The following CRB1 variants were observed in gnomAD, a reference collection of about 807,000 sequenced individuals.
CRB1 encodes protein crumbs homolog 1.
In CRB1, 83 loss-of-function variants were observed where a neutral mutation model predicts 120.0. That is an observed-to-expected ratio of 0.69 (90% CI 0.58 to 0.83). CRB1 has a LOEUF of 0.83. Among genes scored for constraint, CRB1 ranks in the 40% least tolerant of loss-of-function variants. The pLI is 0.00. For synonymous variants in CRB1, 625 were observed against 612.5 expected (o/e 1.02, Z -0.30); for missense variants, 1,699 against 1,687.6 (o/e 1.01, Z -0.12).
the CRB1 span, among the ~76,000 whole-genome samples, chr1:197,214,335 C>CAAAAT: frequency 1.3e-5 from 2 of 152,018 alleles, no homozygotes; most frequent in Non-Finnish European, 2.9e-5. Flanking sequence ...AGTCTGCCCT[C>CAAAAT]CATATGCATG....
rs138800499 is a variant in CRB1, at chr1:197,332,320, A to G, written c.652+3317A>G. ...TGGGAATGAGTCCCCTTTTCTCACTATAACACTTAGGTCCACAATGAGGAT... is the reference window on the plus strand; with the variant it reads ...TGGGAATGAGTCCCCTTTTCTCACTGTAACACTTAGGTCCACAATGAGGAT... On this transcript the variant is annotated intron_variant, in intron 2 of 11. Transcript: ENST00000367400. Among the ~76,000 whole-genome samples, 119 of 152,254 alleles carry G rather than the reference A, an allele frequency of 7.8e-4. No individual in the cohort carries two copies. The East Asian group carries it at 0.02, about 26-fold the overall frequency.
intron 4 of CRB1, among the ~76,000 whole-genome samples, chr1:197,354,543 G>C (rs1463612506): frequency 3.9e-5 from 6 of 152,088 alleles, no homozygotes; most frequent in African/African-American, 9.7e-5. Flanking sequence ...TTTGCAGTGA[G>C]TGTTACAACT....
the CRB1 span, among the ~76,000 whole-genome samples, chr1:197,257,133 T>G: frequency 2.6e-5 from 4 of 151,910 alleles, no homozygotes; most frequent in Non-Finnish European, 5.9e-5. Flanking sequence ...GCCTGAAAAC[T>G]GGGGGGTGCC....
chr1:197,265,183 A>C (rs1228357167), upstream of CRB1, among the ~76,000 whole-genome samples: 2 of 152,160 alleles, frequency 1.3e-5, no homozygotes, highest in African/African-American at 2.4e-5. Context: ...GTGAACTGTG[A>C]ATTGTAGCAT....
the CRB1 span, among the ~76,000 whole-genome samples, chr1:197,225,788 G>A: frequency 6.6e-6 from 1 of 152,232 alleles, no homozygotes; most frequent in African/African-American, 2.4e-5. Context: ...ATATTTTGAA[G>A]CTTTCTCGCA....
intron 1 of CRB1, among the ~76,000 whole-genome samples, chr1:197,299,225 G>A (rs968885098): frequency 1.3e-5 from 2 of 152,068 alleles, no homozygotes; most frequent in African/African-American, 4.8e-5. Context: ...GAGGAAGCAC[G>A]AATGGTCAAA....
At chr1:197,408,642 C>A (rs914923683) in intron 5 of CRB1, among the ~76,000 whole-genome samples, 2 of 152,136 alleles carry the variant, frequency 1.3e-5, no homozygotes, top group Non-Finnish European at 2.9e-5. Context: ...CTTAGAACAG[C>A]AACATCCAAC....
At position 197,328,812 on chromosome 1, in the gene CRB1, C is replaced by G. The variant is rs1443614785; in HGVS notation, c.461C>G (p.Ser154Cys). The G allele has an allele frequency of 1.2e-6, 2 of 1,613,954 alleles. No individual in the cohort carries two copies. The highest frequency in any genetic ancestry group is 1.3e-5 in the African/African-American group (1 of 74,948). The part of the protein sequence containing the change: ...FCEIDHDECA[S>C]SPCQNGAVCQ... ...GAGATAGATCACGATGAGTGTGCTTCCAGCCCTTGCCAAAATGGGGCCGTG... is the reference window on the plus strand; with the variant it reads ...GAGATAGATCACGATGAGTGTGCTTGCAGCCCTTGCCAAAATGGGGCCGTG... The change falls in exon 2 of 12, where the codon TCC becomes TGC. Residue 154 changes from serine (S) to cysteine (C), a missense_variant. Physicochemically the swap from Ser to Cys is moderately radical, Grantham distance 112 (BLOSUM62 -1). Transcript: ENST00000367400.
intron 11 of CRB1, chr1:197,444,780 T>A (rs976300081): frequency 6.6e-6 from 1 of 152,190 alleles, no homozygotes; most frequent in Non-Finnish European, 1.5e-5. Flanking sequence ...TGACTATGGC[T>A]TTTACATATT....
chr1:197,450,726 G>C (rs1332732236), intron 11 of CRB1, among the ~76,000 whole-genome samples: 6 of 140,766 alleles, frequency 4.3e-5, no homozygotes, highest in African/African-American at 1.6e-4. Flanking sequence ...GGATCACGAG[G>C]TCAAGAGATC....
chr1:197,309,570 C>T (rs931827716), intron 1 of CRB1, among the ~76,000 whole-genome samples: 3 of 151,946 alleles, frequency 2.0e-5, no homozygotes, highest in South Asian at 2.1e-4. Flanking sequence ...CTGGCTAACA[C>T]GGTGAAAACC....
At chr1:197,414,256 T>A (rs1571505640) in intron 5 of CRB1, among the ~76,000 whole-genome samples, 1 of 152,198 alleles carries the variant, frequency 6.6e-6, no homozygotes, top group African/African-American at 2.4e-5. Context: ...TCCTCATTTG[T>A]ATATGTCTTT....
Position 197,421,351 on chromosome 1 carries a change from G to A in CRB1, c.1523G>A (p.Cys508Tyr). Residue 508 changes from cysteine (C) to tyrosine (Y), a missense_variant, in exon 6 of 12, where the codon TGT becomes TAT. Transcript: ENST00000367400. ...SGSVTTKGSV[C>Y]NIALRFQTVQ... ...TCAGTGACAACCAAGGGCTCAGTTT[G>A]TAACATAGCCCTCAGGTTTCAGACT... 6.2e-7 allele frequency: 1 copy of A among 1,614,240 alleles called. No individual in the cohort carries two copies. Among genetic ancestry groups the A allele is most frequent in the Non-Finnish European group, 8.5e-7 (1 of 1,180,056 alleles).
chr1:197,438,595 CA>C lies in CRB1; in HGVS notation c.3799del (p.Thr1267LeufsTer15). ...TCTGTGGGAATGAGAAGACAAATCT[CA>C]CTTGCTACAATGGAGGCAACTGCAC... ...TVCGNEKTNL[T>X]CYNGGNCTEF... On this transcript the variant is annotated frameshift_variant, in exon 10 of 12. Transcript: ENST00000367400. LOFTEE classifies it high-confidence loss of function. 1 of 1,612,964 alleles carries C rather than the reference CA, an allele frequency of 6.2e-7. No individual in the cohort carries two copies.
the CRB1 span, among the ~76,000 whole-genome samples, chr1:197,248,438 A>G: frequency 3.3e-5 from 5 of 151,970 alleles, no homozygotes; most frequent in African/African-American, 1.2e-4. Flanking sequence ...CAGGATTGAA[A>G]TAAGTGTTAG....
rs757342815 is a variant in CRB1 at position 197,477,751 on chromosome 1, G to T, written c.4093G>T (p.Ala1365Ser). ...LLLILLLAIV[A>S]SVVTSNKRAT... ...ACTGATCCTCTTGCTGGCCATTGTT[G>T]CTTCTGTTGTCACCTCCAACAAAAG... The change falls in exon 12 of 12, where the codon GCT (alanine) becomes TCT (serine). Residue 1365 changes from alanine to serine, a missense_variant. Ala to Ser is a moderately conservative substitution (Grantham distance 99, BLOSUM62 1). Transcript: ENST00000367400. 6.2e-7 allele frequency: 1 copy of T among 1,613,858 alleles called. No individual in the cohort carries two copies. The highest frequency in any genetic ancestry group is 1.1e-5 in the South Asian group (1 of 91,074).
At chr1:197,324,618 A>C (rs548010716) in intron 1 of CRB1, among the ~76,000 whole-genome samples, 3 of 152,270 alleles carry the variant, frequency 2.0e-5, no homozygotes, top group African/African-American at 7.2e-5. Flanking sequence ...TTTTTACAAA[A>C]ATGGAAACTG....
intron 5 of CRB1, among the ~76,000 whole-genome samples, chr1:197,418,228 A>G (rs1459945112): frequency 6.6e-6 from 1 of 152,206 alleles, no homozygotes; most frequent in African/African-American, 2.4e-5. Flanking sequence ...TAAGTAAAAT[A>G]TCTTCTAATA....
intron 1 of CRB1, among the ~76,000 whole-genome samples, chr1:197,299,056 G>GA (rs545924117): frequency 6.6e-6 from 1 of 151,616 alleles, no homozygotes; most frequent in South Asian, 2.1e-4. Context: ...AAGTAATGTA[G>GA]AAAAAAAATC....
Sources: allele counts gnomAD v4.1 joint callset (sites outside exome capture counted in the v4.1 genomes callset), GRCh38; gene constraint gnomAD v4.1.1; transcripts MANE v1.5; gene names NCBI Gene and HGNC (gene_info 2026-07-23, HGNC 2026-07-21).